CDH4: variants seen among roughly 807,000 people sequenced by gnomAD.
The protein encoded by CDH4 is cadherin 4, also known as cadherin-4.
CDH4 carries 33 observed loss-of-function variants against 86.0 expected under a neutral mutation model. That is an observed-to-expected ratio of 0.38 (90% CI 0.29 to 0.51). The LOEUF is 0.51. Ranked by LOEUF, CDH4 falls within the 20% of genes least tolerant of loss-of-function variation. The pLI, the probability that CDH4 is intolerant of heterozygous loss-of-function variation, is 0.86. For missense variants in CDH4, 1,114 were observed against 1,307.4 expected (o/e 0.85, Z 2.28); for synonymous variants, 555 against 549.4 (o/e 1.01, Z -0.14).
chr20:61,424,185 A>G (rs1238745221), intron 2 of CDH4, among the ~76,000 whole-genome samples: 2 of 151,454 alleles, frequency 1.3e-5, no homozygotes, highest in Non-Finnish European at 2.9e-5. Flanking sequence ...CACACATAGC[A>G]CACATGTATC....
At chr20:61,875,635 T>G (rs1403362823) in intron 7 of CDH4, among the ~76,000 whole-genome samples, 2 of 152,184 alleles carry the variant, frequency 1.3e-5, no homozygotes, top group African/African-American at 4.8e-5. Context: ...CCGAGTGAGC[T>G]GTGGTCAGTC....
chr20:61,591,506 A>G (rs1386021251), intron 2 of CDH4, among the ~76,000 whole-genome samples: 1 of 151,660 alleles, frequency 6.6e-6, no homozygotes, highest in Non-Finnish European at 1.5e-5. Context: ...GAAATAGATG[A>G]AAAAAAAATC....
At chr20:61,550,586 C>A (rs534125043) in intron 2 of CDH4, among the ~76,000 whole-genome samples, 17 of 149,974 alleles carry the variant, frequency 1.1e-4, no homozygotes, top group African/African-American at 3.4e-4. Context: ...TCATCCTTCT[C>A]ACGGGGATGA....
rs191412665 is a variant in CDH4 at position 61,928,059 on chromosome 20, G to A, written c.1772-131G>A. On this transcript the variant is annotated intron_variant, in intron 11 of 15. Coordinates refer to ENST00000614565, the MANE Select transcript of CDH4 (RefSeq NM_001794.5). ...TGTTGGGAGATGGCCGGCCGTGTCC[G>A]GCTGGGGGTCTGCACATGTGTCCCT... 2.5e-3 allele frequency: 1,921 copies of A among 764,306 alleles called. 6 individuals are homozygous for A. The highest frequency in any genetic ancestry group is 3.4e-3 in the Middle Eastern group (11 of 3,242). The allele number at this position is 764,306 out of a possible 1,614,324, so 47.3% of individuals were successfully genotyped here. A position where few individuals can be genotyped will look rare whatever the true frequency, so the allele number is the denominator to read the frequency against.
In CDH4 at chr20:61,689,100, C is replaced by G. The variant is rs145871536; in HGVS notation, c.170-54463C>G. 4.7e-3 allele frequency among the ~76,000 whole-genome samples: 721 copies of G among 152,384 alleles called. 3 individuals are homozygous for G. Among genetic ancestry groups the G allele is most frequent in the Middle Eastern group, 0.014 (4 of 294 alleles). On this transcript the variant is annotated intron_variant, in intron 2 of 15. Coordinates refer to ENST00000614565, the MANE Select transcript of CDH4 (RefSeq NM_001794.5). ...TCTGTGGGTAGCTGTGACTGACTCA[C>G]ACCAGCCCTATTGCCACTGGACACT...
chr20:61,435,800 G>C (rs75101794), intron 2 of CDH4: 3 of 152,294 alleles, frequency 2.0e-5, no homozygotes, highest in African/African-American at 7.2e-5. Flanking sequence ...CCTTCCTGGA[G>C]ACGCAGAAGT....
chr20:61,809,861 C>T (rs1435437599), intron 4 of CDH4, among the ~76,000 whole-genome samples: 5 of 152,032 alleles, frequency 3.3e-5, no homozygotes, highest in East Asian at 3.9e-4. Flanking sequence ...CGGAGCACAG[C>T]GGGGGGTGGG....
At chr20:61,562,563 C>T (rs140974588) in intron 2 of CDH4, among the ~76,000 whole-genome samples, 4 of 152,306 alleles carry the variant, frequency 2.6e-5, no homozygotes, top group African/African-American at 9.6e-5. Context: ...AGACTTGGTG[C>T]GTCCCTGCAG....
intron 2 of CDH4, among the ~76,000 whole-genome samples, chr20:61,694,537 T>C (rs1415236365): frequency 6.6e-6 from 1 of 152,138 alleles, no homozygotes; most frequent in African/African-American, 2.4e-5. Flanking sequence ...GAGAATGCTT[T>C]CTCGGATGGA....
intron 8 of CDH4, among the ~76,000 whole-genome samples, chr20:61,896,586 C>T (rs535925572): frequency 7.9e-5 from 12 of 152,330 alleles, no homozygotes; most frequent in East Asian, 5.8e-4. Flanking sequence ...ACCAGGAGCC[C>T]GAGGAGCATT....
chr20:61,382,644 C>T (rs6121651), intron 2 of CDH4, among the ~76,000 whole-genome samples: 37,437 of 152,088 alleles, frequency 0.25, 4,995 homozygotes, highest in African/African-American at 0.34. Flanking sequence ...GCCATGTTCC[C>T]CCTGAAGCTT....
chr20:61,809,483 A>G (rs548139262), intron 4 of CDH4, among the ~76,000 whole-genome samples: 1 of 152,342 alleles, frequency 6.6e-6, no homozygotes, highest in African/African-American at 2.4e-5. Flanking sequence ...CTCATTAAAG[A>G]TCAAAGTCCC....
rs115709036 is a variant in CDH4 at position 61,863,370 on chromosome 20, A to C, written c.878-10358A>C. ...TCTGCTGGGGGAGAAGGAGGTGGAA[A>C]GAGGCCTCCAGAGAAAGCCCTAGAA... On this transcript the variant is annotated intron_variant, in intron 6 of 15. Coordinates refer to ENST00000614565, the MANE Select transcript of CDH4 (RefSeq NM_001794.5). 8.3e-3 allele frequency among the ~76,000 whole-genome samples: 1,268 copies of C among 152,294 alleles called. 26 individuals carry two copies. The highest frequency in any genetic ancestry group is 0.028 in the African/African-American group (1,151 of 41,544).
intron 14 of CDH4, among the ~76,000 whole-genome samples, chr20:61,933,710 T>C (rs1539471): frequency 0.41 from 58,470 of 144,132 alleles, 13,280 homozygotes; most frequent in South Asian, 0.56. Context: ...CCATAACGAA[T>C]GTGAGGCATG....
chr20:61,440,431 A>G (rs926814074), intron 2 of CDH4, among the ~76,000 whole-genome samples: 2 of 152,240 alleles, frequency 1.3e-5, no homozygotes, highest in African/African-American at 4.8e-5. Flanking sequence ...AGTAGGACGC[A>G]GTCACTGCTT....
Position 61,873,799 on chromosome 20 carries a change from C to G in CDH4, c.949C>G (p.Arg317Gly). 1 of 1,614,080 alleles carries G rather than the reference C, an allele frequency of 6.2e-7. No homozygotes were observed. The highest frequency in any genetic ancestry group is 8.5e-7 in the Non-Finnish European group (1 of 1,180,026). Residue 317 changes from arginine to glycine, a missense_variant, in exon 7 of 16, where the codon CGG becomes GGG. Physicochemically the swap from Arg to Gly is moderately radical, Grantham distance 125. Transcript: ENST00000614565. ...CACGGCCAACGGGATGGTGCGGTACCGGATCGTGACCCAGACCCCACAGAG... is the reference window on the plus strand; with the variant it reads ...CACGGCCAACGGGATGGTGCGGTACGGGATCGTGACCCAGACCCCACAGAG... ...STTANGMVRYRIVTQTPQSPS... is the reference protein window; with the variant it reads ...STTANGMVRYGIVTQTPQSPS...
intron 2 of CDH4, among the ~76,000 whole-genome samples, chr20:61,603,199 C>T (rs2427174): frequency 0.61 from 93,051 of 151,780 alleles, 29,717 homozygotes; most frequent in Non-Finnish European, 0.7. Flanking sequence ...AGGGATGACA[C>T]GGAGTCCGTG....
intron 2 of CDH4, among the ~76,000 whole-genome samples, chr20:61,699,752 GGGGGCTTTCACCGCGGACCC>G (rs986417315): frequency 1.8e-4 from 16 of 89,484 alleles, no homozygotes; most frequent in African/African-American, 3.0e-4. Context: ...GCCTGCTGCT[GGGGGCTTTCACCGCGGACCC>G]GGGGCTTTCA....
At chr20:61,406,041 T>G (rs2085080099) in intron 2 of CDH4, among the ~76,000 whole-genome samples, 1 of 152,214 alleles carries the variant, frequency 6.6e-6, no homozygotes, top group African/African-American at 2.4e-5. Flanking sequence ...TAACTGTCAC[T>G]TGTCCCATAA....
Sources: allele counts gnomAD v4.1 joint callset (sites outside exome capture counted in the v4.1 genomes callset), GRCh38; gene constraint gnomAD v4.1.1; transcripts MANE v1.5; gene names NCBI Gene and HGNC (gene_info 2026-07-23, HGNC 2026-07-21).